The following GNA11 variants were observed in gnomAD, a reference collection of about 807,000 sequenced individuals.
GNA11 encodes the protein G protein subunit alpha 11.
A neutral mutation model predicts 38.2 loss-of-function variants in GNA11; 8 were observed. The ratio of observed to expected loss-of-function variants is 0.21; its 90% CI spans 0.12 to 0.38. GNA11 has a LOEUF of 0.38. Ranked by LOEUF, GNA11 falls within the 10% of genes least tolerant of loss-of-function variation. The probability of loss-of-function intolerance (pLI) is 1.00; values close to 1 mark genes in which losing one functional copy is unlikely to be tolerated. For synonymous variants in GNA11, 211 were observed against 221.4 expected, an observed-to-expected ratio of 0.95 and a Z score of 0.42; for missense variants, 268 against 516.3, an observed-to-expected ratio of 0.52 and a Z score of 4.66.
chr19:3,094,804 G>T lies in GNA11; in HGVS notation c.136+17G>T, dbSNP rs747941284. The stretch of plus-strand genomic sequence containing the variant: ...TGCTGCTCGGTGAGTGCGGCCCCCG[G>T]GCCTGCCGGCTGCGGGCCCTGCCCT... On this transcript the variant is annotated intron_variant, in intron 1 of 6. Coordinates refer to ENST00000078429, the MANE Select transcript of GNA11 (RefSeq NM_002067.5). This position sits in a 1 kb window ranked among gnomAD's most constrained non-coding sequence, Gnocchi z 6.0. 6.5e-7 allele frequency: 1 copy of T among 1,545,578 alleles called. No homozygotes were observed. Among genetic ancestry groups the T allele is most frequent in the Non-Finnish European group, 8.7e-7 (1 of 1,148,138 alleles).
In GNA11 at chr19:3,110,150, C is replaced by G; in HGVS notation, c.138C>G (p.Gly46=). 6.2e-7 allele frequency: 1 copy of G among 1,603,568 alleles called. No homozygotes were observed. The highest frequency in any genetic ancestry group is 8.5e-7 in the Non-Finnish European group (1 of 1,175,254). The change falls in exon 2 of 7, where the codon GGC becomes GGG. Residue 46 remains glycine, a splice_region_variant and synonymous_variant. Transcript: ENST00000078429. This position sits in a 1 kb window ranked among gnomAD's most constrained non-coding sequence, Gnocchi z 5.4. ...GCCCTCACGTGCCCCGTCCCCCAGG[C>G]ACGGGCGAGAGCGGGAAGAGCACGT... is the stretch of plus-strand genomic sequence containing the variant. ...ARRELKLLLL[G]TGESGKSTFI... is the part of the protein sequence containing the mutation.
At chr19:3,102,730 A>T (rs572226275) in intron 1 of GNA11, among the ~76,000 whole-genome samples, 14 of 152,152 alleles carry the variant, frequency 9.2e-5, no homozygotes, top group Non-Finnish European at 1.8e-4. Context: ...GTGAAGCTGG[A>T]TGAGGGGCGT....
intron 4 of GNA11, among the ~76,000 whole-genome samples, chr19:3,116,030 G>A (rs1913911657): frequency 6.6e-6 from 1 of 151,846 alleles, no homozygotes. Context: ...TGGGGTGGAG[G>A]AGCTGGGTGG....
At chr19:3,103,125 C>T (rs557835188) in intron 1 of GNA11, among the ~76,000 whole-genome samples, 2 of 152,350 alleles carry the variant, frequency 1.3e-5, no homozygotes, top group South Asian at 4.1e-4. Context: ...GGAAGTCTGA[C>T]TCCCAGGTGT....
chr19:3,113,447 C>T lies in GNA11; in HGVS notation c.439C>T (p.Arg147Cys), dbSNP rs767809613. 1.2e-6 allele frequency: 2 copies of T among 1,611,530 alleles called. No individual in the cohort carries two copies. The highest frequency in any genetic ancestry group is 1.7e-6 in the Non-Finnish European group (2 of 1,178,642). The change falls in exon 3 of 7, where the codon CGC becomes TGC. Residue 147 changes from arginine (R) to cysteine (C), a missense_variant. Arg to Cys is a radical substitution (Grantham distance 180, BLOSUM62 -3). Coordinates refer to ENST00000078429, the MANE Select transcript of GNA11 (RefSeq NM_002067.5). ...EDPGIQECYD[R>C]RREYQLSDSA... ...CCCGGGCATCCAGGAATGCTACGAC[C>T]GCAGGCGCGAGTACCAGCTCTCCGA...
chr19:3,110,726 A>G lies in GNA11; in HGVS notation c.321+393A>G, dbSNP rs912333344. ...CCCCAGGCTGAGCAGCCTACCAGGC[A>G]CCTCGTTTCGGCCCTGACACTCACC... On this transcript the variant is annotated intron_variant, in intron 2 of 6. Coordinates refer to ENST00000078429, the MANE Select transcript of GNA11 (RefSeq NM_002067.5). The surrounding 1 kb of genome is among the most constrained non-coding windows in gnomAD (Gnocchi z 5.4). Among the ~76,000 whole-genome samples, 2 of 152,096 alleles carry G rather than the reference A, an allele frequency of 1.3e-5. No homozygotes were observed. Among genetic ancestry groups the G allele is most frequent in the Non-Finnish European group, 2.9e-5 (2 of 68,006 alleles).
chr19:3,094,916 G>C lies in GNA11; in HGVS notation c.136+129G>C, dbSNP rs543025235. The C allele has an allele frequency of 1.1e-3, 658 of 598,484 alleles. 4 individuals are homozygous for C. Among genetic ancestry groups the C allele is most frequent in the South Asian group, 9.0e-3 (345 of 38,388 alleles). The allele number at this position is 598,484 out of a possible 1,614,324, so 37.1% of individuals were successfully genotyped here. A position where few individuals can be genotyped will look rare whatever the true frequency, so the allele number is the denominator to read the frequency against. On this transcript the variant is annotated intron_variant, in intron 1 of 6. Coordinates refer to ENST00000078429, the MANE Select transcript of GNA11 (RefSeq NM_002067.5). The surrounding 1 kb of genome is among the most constrained non-coding windows in gnomAD (Gnocchi z 6.0). ...GCCGTCCGGGTCGCGAGACCCTCCG[G>C]GGTCAGCCCTGCCTGTGCCTTCCCT... is the stretch of plus-strand genomic sequence containing the variant.
intron 4 of GNA11, among the ~76,000 whole-genome samples, chr19:3,116,860 C>G (rs879869249): frequency 1.3e-5 from 2 of 152,190 alleles, no homozygotes; most frequent in Non-Finnish European, 2.9e-5. Flanking sequence ...TCCGGGAAGT[C>G]TGTGGGGTTT....
rs971683653 is a variant in GNA11 at position 3,120,215 on chromosome 19, C to T, written c.890-774C>T. On this transcript the variant is annotated intron_variant, in intron 6 of 6. Transcript: ENST00000078429. This position sits in a 1 kb window ranked among gnomAD's most constrained non-coding sequence, Gnocchi z 5.9. ...GGAGGGGTCTGGCACACGGTATAGC[C>T]TCGGCCGCTGGCTGCAGGCGCAGGG... Among the ~76,000 whole-genome samples, 2 of 152,108 alleles carry T rather than the reference C, an allele frequency of 1.3e-5. No individual in the cohort carries two copies. Among genetic ancestry groups the T allele is most frequent in the African/African-American group, 4.8e-5 (2 of 41,422 alleles).
chr19:3,098,715 T>C (rs905243125), intron 1 of GNA11, among the ~76,000 whole-genome samples: 2 of 152,156 alleles, frequency 1.3e-5, no homozygotes, highest in Non-Finnish European at 1.5e-5. Context: ...GTTGGCCCAG[T>C]GTTGGGAGGC....
chr19:3,121,429 C>T lies in GNA11; in HGVS notation c.*250C>T, dbSNP rs1914072562. 2.1e-5 allele frequency: 7 copies of T among 340,002 alleles called. No individual in the cohort carries two copies. The allele number at this position is 340,002 out of a possible 1,614,324, so 21.1% of individuals were successfully genotyped here. Reference sequence around the variant, plus strand: ...AACGGCAAAGGCAGCCTTTTTCTGGCCTTGACTTATGGCTCGCTTTTTTCT... The same window carrying T: ...AACGGCAAAGGCAGCCTTTTTCTGGTCTTGACTTATGGCTCGCTTTTTTCT... On this transcript the variant is annotated 3_prime_UTR_variant, in exon 7 of 7. Transcript: ENST00000078429.
In GNA11 at chr19:3,123,576, G is replaced by A. The variant is rs182892319; in HGVS notation, c.*2397G>A. 7.6e-3 allele frequency: 1,769 copies of A among 233,138 alleles called. 86 individuals carry two copies. Among genetic ancestry groups the A allele is most frequent in the Admixed American group, 0.075 (1,341 of 17,792 alleles). 14.4% of individuals were successfully genotyped at this position (233,138 alleles called of 1,614,324 possible). ...CTCGTGAGTGCCGACCACCTTCTCC[G>A]ACCATGTTACGCCCGGGCGGCAGCA... is the stretch of plus-strand genomic sequence containing the variant. On this transcript the variant is annotated 3_prime_UTR_variant, in exon 7 of 7. Transcript: ENST00000078429.
intron 1 of GNA11, among the ~76,000 whole-genome samples, chr19:3,105,014 C>G (rs1207369052): frequency 6.6e-6 from 1 of 151,450 alleles, no homozygotes; most frequent in East Asian, 2.0e-4. Flanking sequence ...CTCACCAGCT[C>G]CAGACCCAGT....
Position 3,094,607 on chromosome 19 carries a change from G to C in GNA11, c.-45G>C, listed in dbSNP as rs2145300092. ...CCGGCCAGGGCCGGGCCGGGGGCCG[G>C]GGGGCGGCGGCGGGCAGGCGGCCGC... is the stretch of plus-strand genomic sequence containing the variant. On this transcript the variant is annotated 5_prime_UTR_variant, in exon 1 of 7. Transcript: ENST00000078429. This position sits in a 1 kb window ranked among gnomAD's most constrained non-coding sequence, Gnocchi z 6.0. 9.8e-7 allele frequency: 1 copy of C among 1,019,722 alleles called. No homozygotes were observed. Among genetic ancestry groups the C allele is most frequent in the Non-Finnish European group, 1.2e-6 (1 of 832,102 alleles). 63.2% of individuals were successfully genotyped at this position (1,019,722 alleles called of 1,614,324 possible).
intron 4 of GNA11, 57 bp from the exon 5 acceptor site, chr19:3,118,867 T>C (rs1913991372): frequency 2.6e-6 from 4 of 1,566,006 alleles, no homozygotes; most frequent in Non-Finnish European, 3.5e-6. Flanking sequence ...CGTCCTGGGA[T>C]TGCAGATTGG....
rs758302558 is a variant in GNA11 at position 3,094,657 on chromosome 19, T to C, written c.6T>C (p.Thr2=). The C allele has an allele frequency of 4.0e-6, 6 of 1,517,196 alleles. No individual in the cohort carries two copies. Among genetic ancestry groups the C allele is most frequent in the Admixed American group, 2.0e-5 (1 of 50,402 alleles). The allele number at this position is 1,517,196 out of a possible 1,614,324, so 94.0% of individuals were successfully genotyped here. Residue 2 remains threonine (T), a synonymous_variant, in exon 1 of 7, where the codon ACT becomes ACC. Transcript: ENST00000078429. The surrounding 1 kb of genome is among the most constrained non-coding windows in gnomAD (Gnocchi z 6.0). ...CGTCGGCCGGGGCCGGGACGATGAC[T>C]CTGGAGTCCATGATGGCGTGTTGCC... M[T]LESMMACCLS...
intron 1 of GNA11, among the ~76,000 whole-genome samples, chr19:3,098,180 T>C (rs1913418422): frequency 6.6e-6 from 1 of 152,252 alleles, no homozygotes; most frequent in Non-Finnish European, 1.5e-5. Flanking sequence ...CCCGTGGTAT[T>C]CCAGGTTTGT....
At chr19:3,116,624 A>G (rs971140661) in intron 4 of GNA11, among the ~76,000 whole-genome samples, 10 of 152,200 alleles carry the variant, frequency 6.6e-5, no homozygotes, top group African/African-American at 2.4e-4. Flanking sequence ...AACCAGTGAC[A>G]TCCGCACAGA....
In GNA11 at chr19:3,115,312, G is replaced by A. The variant is rs1913882630; in HGVS notation, c.605+240G>A. 1.3e-5 allele frequency: 6 copies of A among 445,074 alleles called. No homozygotes were observed. The South Asian group carries it at 1.7e-4, about 12-fold the overall frequency. 27.6% of individuals were successfully genotyped at this position (445,074 alleles called of 1,614,324 possible). A position where few individuals can be genotyped will look rare whatever the true frequency, so the allele number is the denominator to read the frequency against. On this transcript the variant is annotated intron_variant, in intron 4 of 6. Transcript: ENST00000078429. ...CCCAGCTACTCAGGAGGCTGAGGCA[G>A]GAGGATCGCTCAAGCCCAGGAGGTT... is the stretch of plus-strand genomic sequence containing the variant.
Sources: allele counts gnomAD v4.1 joint callset (sites outside exome capture counted in the v4.1 genomes callset), GRCh38; gene constraint gnomAD v4.1.1; non-coding constraint Gnocchi (gnomAD v3.1); transcripts MANE v1.5; gene names NCBI Gene and HGNC (gene_info 2026-07-23, HGNC 2026-07-21).